Variants in UIMC1 observed in about 807,000 individuals in gnomAD.
UIMC1 encodes the protein BRCA1-A complex subunit RAP80.
UIMC1 carries 42 observed loss-of-function variants against 84.9 expected under a neutral mutation model. The ratio of observed to expected loss-of-function variants is 0.49; its 90% CI spans 0.39 to 0.64. The LOEUF (loss-of-function observed/expected upper bound fraction) is 0.64. UIMC1 is among the 30% of genes least tolerant of loss of function. The pLI, the probability that UIMC1 is intolerant of heterozygous loss-of-function variation, is 0.00. For missense variants in UIMC1, 825 were observed against 847.6 expected (o/e 0.97, Z 0.33); for synonymous variants, 281 against 293.0 (o/e 0.96, Z 0.42).
Position 177,021,250 on chromosome 5 carries a change from C to G in UIMC1, c.-9+1214G>C, listed in dbSNP as rs976174120. Among the ~76,000 whole-genome samples, 3 of 152,236 alleles carry G rather than the reference C, an allele frequency of 2.0e-5. No individual in the cohort carries two copies. The East Asian group carries it at 5.8e-4, about 29-fold the overall frequency. On this transcript the variant is annotated intron_variant, in intron 1 of 5. Coordinates refer to the UIMC1 transcript ENST00000509236. ...CCGAGATCGCGTCACTGCACTCCAA[C>G]CTGGCGACAGAGCAAAACTCTGCCT...
chr5:176,924,927 A>T (rs944241485), intron 10 of UIMC1, among the ~76,000 whole-genome samples: 6 of 151,076 alleles, frequency 4.0e-5, no homozygotes, highest in African/African-American at 1.5e-4. Context: ...GCTACTCAGG[A>T]GGCTGAGGCA....
chr5:176,911,170 GAAAAGAA>G (rs2149390779), intron 11 of UIMC1, 134 bp downstream of exon 11: 2 of 187,770 alleles, frequency 1.1e-5, no homozygotes, highest in South Asian at 1.6e-4. Context: ...GAAAAGAAAA[GAAAAGAA>G]AATTCAGGCA....
At chr5:176,915,462 T>C (rs1760851242) in intron 10 of UIMC1, among the ~76,000 whole-genome samples, 1 of 151,764 alleles carries the variant, frequency 6.6e-6, no homozygotes. Flanking sequence ...TAAATAATTT[T>C]TTTTTTTTTT....
intron 9 of UIMC1, among the ~76,000 whole-genome samples, chr5:176,944,185 C>G (rs1357929550): frequency 6.6e-6 from 1 of 152,204 alleles, no homozygotes; most frequent in African/African-American, 2.4e-5. Flanking sequence ...TACTTAGACC[C>G]ATAAGACCTA....
intron 1 of UIMC1, among the ~76,000 whole-genome samples, chr5:176,999,104 T>C (rs561602641): frequency 6.6e-6 from 1 of 152,232 alleles, no homozygotes; most frequent in African/African-American, 2.4e-5. Context: ...AGGTGGGAGA[T>C]AACTTGTGCC....
chr5:177,009,237 G>A (rs1775492251), upstream of UIMC1, among the ~76,000 whole-genome samples: 1 of 151,768 alleles, frequency 6.6e-6, no homozygotes, highest in Non-Finnish European at 1.5e-5. This position sits in a 1 kb window ranked among gnomAD's most constrained non-coding sequence, Gnocchi z 4.3. Context: ...TCAAACTCCT[G>A]GGCACAAGTG....
At position 176,969,301 on chromosome 5, in the gene UIMC1, T is replaced by C. The variant is rs753663976; in HGVS notation, c.464-10A>G. 4.3e-5 allele frequency: 68 copies of C among 1,589,218 alleles called. No homozygotes were observed. Among genetic ancestry groups the C allele is most frequent in the Non-Finnish European group, 5.6e-5 (65 of 1,170,560 alleles). ...ACCAGCTGCCATATGCCTGTAGGTA[T>C]TTGAGAAAAAGTAGGGCTAAGGACA... On this transcript the variant is annotated splice_polypyrimidine_tract_variant and intron_variant, in intron 5 of 14. Transcript: ENST00000511320.
At chr5:176,926,999 A>G (rs1193957736) in intron 10 of UIMC1, among the ~76,000 whole-genome samples, 1 of 152,182 alleles carries the variant, frequency 6.6e-6, no homozygotes, top group Non-Finnish European at 1.5e-5. Context: ...ATCAGGTAAA[A>G]TAAGAGTTAC....
At chr5:176,988,226 T>C (rs1772317310) in intron 1 of UIMC1, among the ~76,000 whole-genome samples, 1 of 151,516 alleles carries the variant, frequency 6.6e-6, no homozygotes, top group Non-Finnish European at 1.5e-5. Context: ...CTCTGATGGC[T>C]GGCTATTTTT....
At chr5:176,986,885 C>T (rs1406927651) in intron 1 of UIMC1, among the ~76,000 whole-genome samples, 7 of 148,470 alleles carry the variant, frequency 4.7e-5, no homozygotes, top group Admixed American at 1.3e-4. Flanking sequence ...TTGCAGATGA[C>T]ATGACCTGTG....
intron 6 of UIMC1, among the ~76,000 whole-genome samples, chr5:176,966,174 C>T (rs1031937737): frequency 2.0e-5 from 3 of 152,190 alleles, no homozygotes; most frequent in Non-Finnish European, 4.4e-5. Context: ...AGAGGCATCT[C>T]CCCAGTGAAT....
At chr5:176,954,450 CATA>C (rs1157040439) in intron 8 of UIMC1, among the ~76,000 whole-genome samples, 2 of 152,084 alleles carry the variant, frequency 1.3e-5, no homozygotes, top group Admixed American at 1.3e-4. Context: ...TAAAAACCAA[CATA>C]GGCTGAGCAC....
At chr5:176,915,793 C>CAAAAAAAAAAAAAAAAAAAAAAAAAAA (rs58297107) in intron 10 of UIMC1, among the ~76,000 whole-genome samples, 1 of 42,664 alleles carries the variant, frequency 2.3e-5, no homozygotes, top group Non-Finnish European at 4.8e-5. Context: ...GGTCACAAAG[C>CAAAAAAAAAAAAAAAAAAAAAAAAAAA]AAAAAAAAAA....
At chr5:176,933,738 G>A (rs1285329326) in intron 10 of UIMC1, among the ~76,000 whole-genome samples, 1 of 151,844 alleles carries the variant, frequency 6.6e-6, no homozygotes, top group Non-Finnish European at 1.5e-5. Context: ...GTCTTCCTAT[G>A]TTGCTCAGGC....
intron 6 of UIMC1, among the ~76,000 whole-genome samples, chr5:176,961,122 C>T (rs1419127383): frequency 1.2e-5 from 1 of 81,996 alleles, no homozygotes; most frequent in South Asian, 3.9e-4. Context: ...CCCCTCTGCT[C>T]GGCTGCCCAG....
intron 10 of UIMC1, among the ~76,000 whole-genome samples, chr5:176,912,301 T>C (rs537943953): frequency 1.6e-4 from 25 of 152,310 alleles, no homozygotes; most frequent in Non-Finnish European, 3.2e-4. Context: ...AGGCTATACA[T>C]AAACAAATGA....
intron 3 of UIMC1, among the ~76,000 whole-genome samples, chr5:176,971,241 C>T (rs945934159): frequency 6.6e-6 from 1 of 152,216 alleles, no homozygotes; most frequent in Admixed American, 6.5e-5. Flanking sequence ...TACCGCAACG[C>T]TTTATGCTCA....
chr5:176,963,172 A>T lies in UIMC1; in HGVS notation c.1201-5018T>A, dbSNP rs1480376512. Among the ~76,000 whole-genome samples the T allele has an allele frequency of 7.6e-3, 226 of 29,808 alleles. 87 individuals carry two copies. In the African/African-American group the frequency reaches 0.088, roughly 12 times the overall value. 19.6% of individuals were successfully genotyped at this position (29,808 alleles called of 152,430 possible). A position where few individuals can be genotyped will look rare whatever the true frequency, so the allele number is the denominator to read the frequency against. ...AAAAATAAATTAAAAAAAAAAAAAA[A>T]AAAAAAAAAAAAAAATTCAAAGAAT... On this transcript the variant is annotated intron_variant, in intron 6 of 14. Coordinates refer to ENST00000511320, the MANE Select transcript of UIMC1 (RefSeq NM_001199298.2).
At chr5:176,965,174 C>CA (rs1365447569) in intron 6 of UIMC1, among the ~76,000 whole-genome samples, 1 of 152,170 alleles carries the variant, frequency 6.6e-6, no homozygotes, top group Non-Finnish European at 1.5e-5. Flanking sequence ...GTAATCCCAG[C>CA]ACTTTCGGAG....
Sources: allele counts gnomAD v4.1 joint callset (sites outside exome capture counted in the v4.1 genomes callset), GRCh38; gene constraint gnomAD v4.1.1; non-coding constraint Gnocchi (gnomAD v3.1); transcripts MANE v1.5; gene names NCBI Gene and HGNC (gene_info 2026-07-23, HGNC 2026-07-21).